The following NFKBIL1 variants were observed in gnomAD, a reference collection of about 807,000 sequenced individuals.
NFKBIL1 encodes NFKB inhibitor like 1.
NFKBIL1 carries 30 observed loss-of-function variants against 45.4 expected under a neutral mutation model. The observed-to-expected ratio is 0.66, with a 90% confidence interval of 0.49 to 0.90. The LOEUF is 0.90. Ranked by LOEUF, NFKBIL1 falls within the 40% of genes least tolerant of loss-of-function variation. NFKBIL1 has a pLI of 0.00. For synonymous variants in NFKBIL1, 179 were observed against 197.3 expected (o/e 0.91, Z 0.78); for missense variants, 434 against 513.4 (o/e 0.85, Z 1.49).
At chr6:31,548,084 C>A in intron 1 of NFKBIL1, 79 bp from the exon 2 acceptor site, 1 of 1,578,312 alleles carries the variant, frequency 6.3e-7, no homozygotes, top group Non-Finnish European at 8.7e-7. Flanking sequence ...AAGGGAGAAA[C>A]AACAGGGGAT....
chr6:31,547,415 T>A (rs1328335789), upstream of NFKBIL1, among the ~76,000 whole-genome samples: 1 of 152,100 alleles, frequency 6.6e-6, no homozygotes, highest in Non-Finnish European at 1.5e-5. Context: ...CGCCTCCTTT[T>A]CCTCGCCTCC....
At chr6:31,548,105 G>T (rs1769191482) in intron 1 of NFKBIL1, 58 bp from the exon 2 acceptor site, 2 of 1,608,322 alleles carry the variant, frequency 1.2e-6, no homozygotes, top group Admixed American at 3.3e-5. Context: ...GTCAGAGATG[G>T]AGGGAGAAGG....
chr6:31,555,235 C>CTTTTTTTTTTTTTTT (rs9279346), intron 2 of NFKBIL1, among the ~76,000 whole-genome samples: 1 of 125,148 alleles, frequency 8.0e-6, no homozygotes, highest in Non-Finnish European at 1.7e-5. Flanking sequence ...TATTTTTTTT[C>CTTTTTTTTTTTTTTT]TTTTTTTTTT....
In NFKBIL1 at chr6:31,558,407, T is replaced by C; in HGVS notation, c.942T>C (p.Ala314=). The C allele has an allele frequency of 1.3e-6, 2 of 1,551,332 alleles. No homozygotes were observed. The highest frequency in any genetic ancestry group is 1.4e-5 in the African/African-American group (1 of 73,362). The change falls in exon 4 of 4, where the codon GCT becomes GCC. Residue 314 remains alanine, a synonymous_variant. Coordinates refer to ENST00000376148, the MANE Select transcript of NFKBIL1 (RefSeq NM_005007.4). This position sits in a 1 kb window ranked among gnomAD's most constrained non-coding sequence, Gnocchi z 7.2. ...GGGGAGGGGACCCAGAGGCCATGGC[T>C]GCAGCCCTGGTGGCCAGGGGCCCCC... The part of the protein sequence containing the change: ...CPGGGDPEAM[A]AALVARGPPL...
Position 31,558,498 on chromosome 6 carries a change from C to T in NFKBIL1, c.1033C>T (p.Arg345Cys), listed in dbSNP as rs200927319. Residue 345 changes from arginine to cysteine, a missense_variant, in exon 4 of 4, where the codon CGC becomes TGC. By Grantham distance (180) the Arg-to-Cys change is radical. Transcript: ENST00000376148. This position sits in a 1 kb window ranked among gnomAD's most constrained non-coding sequence, Gnocchi z 7.2. ...CCAGCAGGTCCGCTGGCACCCTGAC[C>T]GCTTCCTGCAGCGATTCCGAAGCCA... ...RVQQVRWHPD[R>C]FLQRFRSQIE... 20 of 1,554,374 alleles carry T rather than the reference C, an allele frequency of 1.3e-5. No individual in the cohort carries two copies. The highest frequency in any genetic ancestry group is 1.6e-5 in the Non-Finnish European group (18 of 1,148,816).
At chr6:31,551,647 T>A (rs1196321116) in intron 2 of NFKBIL1, among the ~76,000 whole-genome samples, 2 of 152,142 alleles carry the variant, frequency 1.3e-5, no homozygotes, top group Non-Finnish European at 2.9e-5. Flanking sequence ...CAGGCTGGAG[T>A]GCAGTGGCAT....
rs1409749809 is a variant in NFKBIL1 at position 31,548,193 on chromosome 6, C to T, written c.88C>T (p.Arg30Cys). 6 of 1,613,036 alleles carry T rather than the reference C, an allele frequency of 3.7e-6. No homozygotes were observed. In the Admixed American group the frequency reaches 5.0e-5, roughly 13 times the overall value. ...GAGTTCCATGGCCTCCACTTCCCGC[C>T]GCCAACGCCGAGAACGTCGCTTTCG... The part of the protein sequence containing the change: ...PKSSMASTSR[R>C]QRRERRFRRY... The change falls in exon 2 of 4, where the codon CGC becomes TGC. Residue 30 changes from arginine to cysteine, a missense_variant. Around this residue, in one of 4 missense-constraint regions of NFKBIL1, gnomAD observed 231 missense variants for 264.1 expected, o/e 0.87. Coordinates refer to ENST00000376148, the MANE Select transcript of NFKBIL1 (RefSeq NM_005007.4).
chr6:31,548,132 GTCCT>G lies in NFKBIL1; in HGVS notation c.58-30_58-27del. On this transcript the variant is annotated intron_variant, in intron 1 of 3. Coordinates refer to ENST00000376148, the MANE Select transcript of NFKBIL1 (RefSeq NM_005007.4). ...GGGAGAAGGACCAGCCAAGGCTGAA[GTCCT>G]GACTGCTGCCTTTTTTCCTTCCCCA... 4 of 1,613,096 alleles carry G rather than the reference GTCCT, an allele frequency of 2.5e-6. 1 individual carries two copies. In the South Asian group the frequency reaches 4.4e-5, roughly 18 times the overall value.
rs146033478 is a variant in NFKBIL1 at position 31,547,857 on chromosome 6, T to C, written c.57+106T>C. The C allele has an allele frequency of 4.0e-5, 40 of 1,011,980 alleles. No individual in the cohort carries two copies. The African/African-American group carries it at 6.3e-4, about 16-fold the overall frequency. The allele number at this position is 1,011,980 out of a possible 1,614,324, so 62.7% of individuals were successfully genotyped here. On this transcript the variant is annotated intron_variant, in intron 1 of 3. Coordinates refer to ENST00000376148, the MANE Select transcript of NFKBIL1 (RefSeq NM_005007.4). ...TTCCCCATCCGGCCCTGTTGGGTTT[T>C]TTTAAAGTTCTTTGTTAAAAATTAA... is the stretch of plus-strand genomic sequence containing the variant.
rs9279345 is a variant in NFKBIL1, at chr6:31,553,039, CTTT to C, written c.335-4573_335-4571del. ...ATTTCTAATACTGGAGAAAGGTGAA[CTTT>C]TTTTTTTTTTTTTTTCCGAGACAGA... On this transcript the variant is annotated intron_variant, in intron 2 of 3. Transcript: ENST00000376148. 1.4e-3 allele frequency among the ~76,000 whole-genome samples: 175 copies of C among 125,016 alleles called. 3 individuals are homozygous for C. The East Asian group carries it at 0.015, about 11-fold the overall frequency. The allele number at this position is 125,016 out of a possible 152,430, so 82.0% of individuals were successfully genotyped here. A position where few individuals can be genotyped will look rare whatever the true frequency, so the allele number is the denominator to read the frequency against.
rs1583013715 is a variant in NFKBIL1 at position 31,558,161 on chromosome 6, C to T, written c.696C>T (p.Ser232=). 1.9e-6 allele frequency: 3 copies of T among 1,611,006 alleles called. No individual in the cohort carries two copies. Among genetic ancestry groups the T allele is most frequent in the Non-Finnish European group, 1.7e-6 (2 of 1,179,240 alleles). The change falls in exon 4 of 4, where the codon TCC becomes TCT. Residue 232 remains serine, a synonymous_variant. Transcript: ENST00000376148. This position sits in a 1 kb window ranked among gnomAD's most constrained non-coding sequence, Gnocchi z 7.2. ...GSRRPPRAEG[S]SQSWRQQEEE... ...GTCGACCCCCACGTGCTGAGGGCTCCAGCCAGAGCTGGCGACAGCAGGAGG... is the reference window on the plus strand; with the variant it reads ...GTCGACCCCCACGTGCTGAGGGCTCTAGCCAGAGCTGGCGACAGCAGGAGG...
chr6:31,550,835 A>G (rs1173801400), intron 2 of NFKBIL1, among the ~76,000 whole-genome samples: 1 of 152,056 alleles, frequency 6.6e-6, no homozygotes, highest in Non-Finnish European at 1.5e-5. Context: ...GATTACAGGC[A>G]TGCACCATCA....
intron 2 of NFKBIL1, among the ~76,000 whole-genome samples, chr6:31,556,061 C>T (rs1769722232): frequency 6.6e-6 from 1 of 152,016 alleles, no homozygotes; most frequent in African/African-American, 2.4e-5. Context: ...AGGCCCTACT[C>T]CTTAAAACCT....
intron 2 of NFKBIL1, among the ~76,000 whole-genome samples, chr6:31,549,636 C>T (rs1390154248): frequency 6.6e-6 from 1 of 151,716 alleles, no homozygotes; most frequent in African/African-American, 2.4e-5. Flanking sequence ...CAACATTTTT[C>T]ATCAGGCTGC....
In NFKBIL1 at chr6:31,557,964, GGC is replaced by G; in HGVS notation, c.557-57_557-56del. 1 of 1,501,216 alleles carries G rather than the reference GGC, an allele frequency of 6.7e-7. No individual in the cohort carries two copies. The highest frequency in any genetic ancestry group is 9.0e-7 in the Non-Finnish European group (1 of 1,113,352). 93.0% of individuals were successfully genotyped at this position (1,501,216 alleles called of 1,614,324 possible). ...TCCTCTGTGCTTCCCTGCTTCTTGGGGCCCATCACCTTCTCACAGCCTCTCTC... is the reference window on the plus strand; with the variant it reads ...TCCTCTGTGCTTCCCTGCTTCTTGGGCCATCACCTTCTCACAGCCTCTCTC... On this transcript the variant is annotated intron_variant, in intron 3 of 3. Coordinates refer to ENST00000376148, the MANE Select transcript of NFKBIL1 (RefSeq NM_005007.4). The surrounding 1 kb of genome is among the most constrained non-coding windows in gnomAD (Gnocchi z 5.4).
rs1409022472 is a variant in NFKBIL1 at position 31,557,078 on chromosome 6, G to C, written c.335-550G>C. 6.6e-6 allele frequency among the ~76,000 whole-genome samples: 1 copy of C among 151,542 alleles called. No individual in the cohort carries two copies. Among genetic ancestry groups the C allele is most frequent in the African/African-American group, 2.4e-5 (1 of 41,222 alleles). On this transcript the variant is annotated intron_variant, in intron 2 of 3. Coordinates refer to ENST00000376148, the MANE Select transcript of NFKBIL1 (RefSeq NM_005007.4). The surrounding 1 kb of genome is among the most constrained non-coding windows in gnomAD (Gnocchi z 5.4). ...GGCATGGTAGAACTTCTAGGACGCTGAAATAGTTTGTGGAGACACAAGTAA... is the reference window on the plus strand; with the variant it reads ...GGCATGGTAGAACTTCTAGGACGCTCAAATAGTTTGTGGAGACACAAGTAA...
In NFKBIL1 at chr6:31,547,848, G is replaced by A; in HGVS notation, c.57+97G>A. ...ATAAAAATTTTCCCCATCCGGCCCT[G>A]TTGGGTTTTTTTAAAGTTCTTTGTT... On this transcript the variant is annotated intron_variant, in intron 1 of 3. Coordinates refer to ENST00000376148, the MANE Select transcript of NFKBIL1 (RefSeq NM_005007.4). 3 of 1,100,676 alleles carry A rather than the reference G, an allele frequency of 2.7e-6. No homozygotes were observed. The South Asian group carries it at 4.4e-5, about 16-fold the overall frequency. 68.2% of individuals were successfully genotyped at this position (1,100,676 alleles called of 1,614,324 possible).
chr6:31,556,915 C>G (rs1769771839), intron 2 of NFKBIL1: 1 of 355,070 alleles, frequency 2.8e-6, no homozygotes, highest in Non-Finnish European at 5.8e-6. Flanking sequence ...CAGATATTTT[C>G]CCAGTCTGAT....
At position 31,547,673 on chromosome 6, in the gene NFKBIL1, T is replaced by G. The variant is rs1562443636; in HGVS notation, c.-22T>G. ...TTGGGCCTACGGCTCTGGGGGTACT[T>G]GGGGGGGCGGGGGCAGGTCTGATGA... On this transcript the variant is annotated 5_prime_UTR_variant, in exon 1 of 4. Coordinates refer to ENST00000376148, the MANE Select transcript of NFKBIL1 (RefSeq NM_005007.4). 1 of 1,582,716 alleles carries G rather than the reference T, an allele frequency of 6.3e-7. No homozygotes were observed. Among genetic ancestry groups the G allele is most frequent in the Non-Finnish European group, 8.6e-7 (1 of 1,156,272 alleles).
Sources: gnomAD v4.1 joint callset for allele counts (sites outside exome capture counted in the v4.1 genomes callset) on GRCh38, gnomAD v4.1.1 for gene constraint, gnomAD v4.1.1 regional missense constraint, Gnocchi (gnomAD v3.1) non-coding constraint, MANE v1.5 for transcripts, NCBI Gene and HGNC (gene_info 2026-07-23, HGNC 2026-07-21) for gene names.